The following BLOC1S5 variants were observed in gnomAD, a reference collection of about 807,000 sequenced individuals.
BLOC1S5 encodes the protein biogenesis of lysosome-related organelles complex 1 subunit 5.
BLOC1S5 carries 27 observed loss-of-function variants against 24.3 expected under a neutral mutation model. The ratio of observed to expected loss-of-function variants is 1.11; its 90% CI spans 0.82 to 1.53. The LOEUF is 1.53. Among genes scored for constraint, BLOC1S5 ranks in the 40% most tolerant of loss-of-function variants. The pLI, the probability that BLOC1S5 is intolerant of heterozygous loss-of-function variation, is 0.00. For missense variants in BLOC1S5, 239 were observed against 229.4 expected (o/e 1.04, Z -0.27); for synonymous variants, 84 against 74.5 (o/e 1.13, Z -0.66).
chr6:8,044,108 C>T (rs918797879), intron 2 of BLOC1S5, among the ~76,000 whole-genome samples: 7 of 151,862 alleles, frequency 4.6e-5, no homozygotes, highest in South Asian at 2.1e-4. Context: ...ACGGTGAAAC[C>T]CCATCTCTAC....
chr6:8,056,083 C>T (rs1294944888), intron 2 of BLOC1S5, among the ~76,000 whole-genome samples: 1 of 152,206 alleles, frequency 6.6e-6, no homozygotes, highest in African/African-American at 2.4e-5. Context: ...CTGCCTCCCA[C>T]CATAGGATGA....
Position 8,021,001 on chromosome 6 carries a change from C to T in BLOC1S5, c.385-5173G>A, listed in dbSNP as rs114218283. On this transcript the variant is annotated intron_variant, in intron 4 of 4. Coordinates refer to ENST00000397457, the MANE Select transcript of BLOC1S5 (RefSeq NM_201280.3). ...ATAGCCAAAGGTGGGAGAACCTAAA[C>T]GTCCATAGACAGATGAACAGATAAA... Among the ~76,000 whole-genome samples, 1,484 of 152,234 alleles carry T rather than the reference C, an allele frequency of 9.7e-3. 27 individuals are homozygous for T. Among genetic ancestry groups the T allele is most frequent in the African/African-American group, 0.034 (1,404 of 41,528 alleles).
chr6:8,035,067 T>C (rs1251613430), intron 3 of BLOC1S5, among the ~76,000 whole-genome samples: 1 of 152,064 alleles, frequency 6.6e-6, no homozygotes, highest in Non-Finnish European at 1.5e-5. Context: ...TTACAGACCA[T>C]TATTCTAAGT....
rs76741073 is a variant in BLOC1S5 at position 8,036,516 on chromosome 6, T to C, written c.325+4623A>G. On this transcript the variant is annotated intron_variant, in intron 3 of 4. Transcript: ENST00000397457. ...AACAAACTAATAATGAATAACAAGG[T>C]TGAAGCCATGATAAAGTCTCCTATC... is the stretch of plus-strand genomic sequence containing the variant. 9.7e-3 allele frequency among the ~76,000 whole-genome samples: 1,474 copies of C among 152,198 alleles called. 26 individuals carry two copies. Among genetic ancestry groups the C allele is most frequent in the African/African-American group, 0.034 (1,402 of 41,546 alleles).
At position 8,034,747 on chromosome 6, in the gene BLOC1S5, C is replaced by T. The variant is rs549699067; in HGVS notation, c.325+6392G>A. On this transcript the variant is annotated intron_variant, in intron 3 of 4. Transcript: ENST00000397457. ...GACAGTGTGGAGATTCCTTAAAGAA[C>T]TAACAGTAGATCTACCATTTGATCC... 2.0e-5 allele frequency among the ~76,000 whole-genome samples: 3 copies of T among 152,204 alleles called. No individual in the cohort carries two copies. In the South Asian group the frequency reaches 6.2e-4, roughly 32 times the overall value.
At chr6:8,023,928 G>A (rs78344763) in intron 4 of BLOC1S5, among the ~76,000 whole-genome samples, 5,943 of 151,858 alleles carry the variant, frequency 0.039, 367 homozygotes, top group African/African-American at 0.13. Flanking sequence ...CAGTAAAACA[G>A]AAAAAGAAAA....
At chr6:8,031,631 A>G (rs1763302459) in intron 3 of BLOC1S5, among the ~76,000 whole-genome samples, 1 of 152,164 alleles carries the variant, frequency 6.6e-6, no homozygotes, top group African/African-American at 2.4e-5. Flanking sequence ...TAAAATTCAG[A>G]TGGTACCAAA....
chr6:8,023,544 C>T lies in BLOC1S5; in HGVS notation c.384+2823G>A, dbSNP rs1175065299. 7.3e-5 allele frequency among the ~76,000 whole-genome samples: 11 copies of T among 151,462 alleles called. No individual in the cohort carries two copies. In the East Asian group the frequency reaches 1.8e-3, roughly 24 times the overall value. On this transcript the variant is annotated intron_variant, in intron 4 of 4. Transcript: ENST00000397457. The stretch of plus-strand genomic sequence containing the variant: ...GGCAGAGATTGCAGTGAGCTGAGAT[C>T]GTGCCACTGCACTCCATCCTGGGTG...
intron 1 of BLOC1S5, among the ~76,000 whole-genome samples, chr6:8,063,745 T>C (rs1036231403): frequency 3.3e-5 from 5 of 152,190 alleles, no homozygotes; most frequent in Non-Finnish European, 5.9e-5. Flanking sequence ...TGTAACCTTC[T>C]CCCAGCTCAA....
chr6:8,026,531 A>C, intron 3 of BLOC1S5, 106 bp from the exon 4 acceptor site: 6 of 877,008 alleles, frequency 6.8e-6, no homozygotes, highest in Middle Eastern at 2.2e-4. Flanking sequence ...TTTAGATCTC[A>C]AAAAACTATG....
chr6:8,047,211 A>AT (rs113086214), intron 2 of BLOC1S5, among the ~76,000 whole-genome samples: 7,212 of 126,316 alleles, frequency 0.057, 405 homozygotes, highest in East Asian at 0.2. Flanking sequence ...GTCAACAGTA[A>AT]TTTTTTTTTT....
Position 8,026,651 on chromosome 6 carries a change from G to C in BLOC1S5, c.326-226C>G, listed in dbSNP as rs536133067. ...AGAACAACCATAATTCTTGAGCTTT[G>C]AGCTACAAGCTGAAGGGCATTTAAA... On this transcript the variant is annotated intron_variant, in intron 3 of 4. Transcript: ENST00000397457. Among the ~76,000 whole-genome samples, 3 of 152,260 alleles carry C rather than the reference G, an allele frequency of 2.0e-5. No homozygotes were observed. The East Asian group carries it at 5.8e-4, about 29-fold the overall frequency.
intron 2 of BLOC1S5, among the ~76,000 whole-genome samples, chr6:8,062,081 GGTAACGTCTAAAA>G (rs919276495): frequency 6.6e-6 from 1 of 152,176 alleles, no homozygotes; most frequent in African/African-American, 2.4e-5. Flanking sequence ...TAAACATCTA[GGTAACGTCTAAAA>G]GATGGGGTCA....
At chr6:8,049,124 A>C (rs1474338362) in intron 2 of BLOC1S5, among the ~76,000 whole-genome samples, 4 of 151,378 alleles carry the variant, frequency 2.6e-5, no homozygotes, top group African/African-American at 4.9e-5. Flanking sequence ...TAATCCCAGC[A>C]CTTTGGGAGG....
At chr6:8,042,695 A>C (rs1433878290) in intron 2 of BLOC1S5, among the ~76,000 whole-genome samples, 1 of 152,160 alleles carries the variant, frequency 6.6e-6, no homozygotes, top group Admixed American at 6.5e-5. Context: ...TGTGTGGCCC[A>C]ACACAATTCT....
At chr6:8,044,735 C>T (rs1344570337) in intron 2 of BLOC1S5, among the ~76,000 whole-genome samples, 1 of 152,174 alleles carries the variant, frequency 6.6e-6, no homozygotes, top group African/African-American at 2.4e-5. Flanking sequence ...AGACTGGTGG[C>T]ATTTTTTCCT....
chr6:8,053,982 C>G (rs749401657), intron 2 of BLOC1S5, among the ~76,000 whole-genome samples: 70 of 110,490 alleles, frequency 6.3e-4, no homozygotes, highest in Non-Finnish European at 2.4e-4. Context: ...TGAATGCTAA[C>G]ATGATGCTCA....
Position 8,041,119 on chromosome 6 carries a change from A to C in BLOC1S5, c.325+20T>G. On this transcript the variant is annotated intron_variant, in intron 3 of 4. Coordinates refer to ENST00000397457, the MANE Select transcript of BLOC1S5 (RefSeq NM_201280.3). ...ATTCATTTGAAATGAAAAGCAATTAAAAAAGAATTGCTGACTCACATCTCT... is the reference window on the plus strand; with the variant it reads ...ATTCATTTGAAATGAAAAGCAATTACAAAAGAATTGCTGACTCACATCTCT... 6.4e-7 allele frequency: 1 copy of C among 1,560,186 alleles called. No individual in the cohort carries two copies. The highest frequency in any genetic ancestry group is 8.7e-7 in the Non-Finnish European group (1 of 1,153,808).
chr6:8,037,983 C>A (rs1763544091), intron 3 of BLOC1S5, among the ~76,000 whole-genome samples: 1 of 152,132 alleles, frequency 6.6e-6, no homozygotes, highest in Non-Finnish European at 1.5e-5. Flanking sequence ...CTGTCTCTCA[C>A]CATCCACAAA....
Sources: allele counts gnomAD v4.1 joint callset (sites outside exome capture counted in the v4.1 genomes callset), GRCh38; gene constraint gnomAD v4.1.1; transcripts MANE v1.5; gene names NCBI Gene and HGNC (gene_info 2026-07-23, HGNC 2026-07-21).